The following BRINP1 variants were observed in gnomAD, a reference collection of about 807,000 sequenced individuals.
BRINP1 encodes BMP/retinoic acid inducible neural specific 1, also known as BMP/retinoic acid-inducible neural-specific protein 1.
A neutral mutation model predicts 72.9 loss-of-function variants in BRINP1; 17 were observed. That is an observed-to-expected ratio of 0.23 (90% confidence interval 0.16 to 0.35). BRINP1 has a LOEUF of 0.35. BRINP1 is among the 10% of genes least tolerant of loss of function. The pLI, the probability that BRINP1 is intolerant of heterozygous loss-of-function variation, is 1.00. For synonymous variants in BRINP1, 418 were observed against 378.5 expected (o/e 1.10, Z -1.21); for missense variants, 850 against 1,001.6 (o/e 0.85, Z 2.04).
chr9:119,172,084 A>G (rs1219732263), intron 7 of BRINP1, among the ~76,000 whole-genome samples: 1 of 147,188 alleles, frequency 6.8e-6, no homozygotes, highest in Non-Finnish European at 1.5e-5. Flanking sequence ...TAGAAAAGCA[A>G]GAGCAAACAC....
At chr9:119,257,248 A>G (rs77561689) in intron 2 of BRINP1, among the ~76,000 whole-genome samples, 4,094 of 152,290 alleles carry the variant, frequency 0.027, 186 homozygotes, top group African/African-American at 0.093. Context: ...TCATAAAGAG[A>G]TCAATAGAGT....
intron 2 of BRINP1, among the ~76,000 whole-genome samples, chr9:119,312,159 A>G (rs2118993919): frequency 6.6e-6 from 1 of 152,332 alleles, no homozygotes; most frequent in African/African-American, 2.4e-5. Flanking sequence ...TCTAACATGG[A>G]CCAGAGTTCC....
chr9:119,341,535 G>A (rs756882867), intron 1 of BRINP1, among the ~76,000 whole-genome samples: 9 of 152,082 alleles, frequency 5.9e-5, no homozygotes, highest in Admixed American at 1.3e-4. Context: ...GCAGTGAGCC[G>A]CAGCTCCCAA....
intron 2 of BRINP1, among the ~76,000 whole-genome samples, chr9:119,306,043 C>T (rs770270077): frequency 1.3e-5 from 2 of 152,184 alleles, no homozygotes; most frequent in Non-Finnish European, 2.9e-5. Flanking sequence ...TCATAACAAT[C>T]GCTATCTTTA....
At chr9:119,221,400 A>AG (rs1224801753) in intron 5 of BRINP1, among the ~76,000 whole-genome samples, 4 of 152,178 alleles carry the variant, frequency 2.6e-5, no homozygotes, top group African/African-American at 4.8e-5. Flanking sequence ...TAATGAAGGC[A>AG]TGCAGGTCAA....
intron 1 of BRINP1, among the ~76,000 whole-genome samples, chr9:119,355,592 G>A (rs1381668065): frequency 3.3e-5 from 5 of 152,162 alleles, no homozygotes; most frequent in South Asian, 4.2e-4. Context: ...AGCCGGGCGT[G>A]GTGGTGGGTG....
In BRINP1 at chr9:119,219,689, GAGAGAGAA is replaced by G. The variant is rs1226980745; in HGVS notation, c.686-5542_686-5535del. ...AGAGAGAGAGAGAGAGAGAGAGAGA[GAGAGAGAA>G]AGAGATGTAAACTAGTTGCTTGGAT... is the stretch of plus-strand genomic sequence containing the variant. On this transcript the variant is annotated intron_variant, in intron 5 of 7. Coordinates refer to ENST00000265922, the MANE Select transcript of BRINP1 (RefSeq NM_014618.3). Among the ~76,000 whole-genome samples, 31 of 128,522 alleles carry G rather than the reference GAGAGAGAA, an allele frequency of 2.4e-4. No homozygotes were observed. In the South Asian group the frequency reaches 4.2e-3, roughly 17 times the overall value. The allele number at this position is 128,522 out of a possible 152,430, so 84.3% of individuals were successfully genotyped here. A position where few individuals can be genotyped will look rare whatever the true frequency, so the allele number is the denominator to read the frequency against.
intron 2 of BRINP1, among the ~76,000 whole-genome samples, chr9:119,300,211 C>G (rs1054203690): frequency 6.6e-6 from 1 of 152,104 alleles, no homozygotes; most frequent in Non-Finnish European, 1.5e-5. Context: ...CTTTCCCTTC[C>G]TGCTACTTCA....
chr9:119,249,839 G>GAAGGAAGGAAGGAAGA lies in BRINP1; in HGVS notation c.219-690_219-689insTCTTCCTTCCTTCCTT, dbSNP rs1554751039. Among the ~76,000 whole-genome samples the GAAGGAAGGAAGGAAGA allele has an allele frequency of 1.4e-3, 93 of 66,896 alleles. 1 individual carries two copies. Among genetic ancestry groups the GAAGGAAGGAAGGAAGA allele is most frequent in the African/African-American group, 6.0e-3 (89 of 14,954 alleles). 43.9% of individuals were successfully genotyped at this position (66,896 alleles called of 152,430 possible). ...GGAAGGAAGGAAGGAAGGAAGGAAG[G>GAAGGAAGGAAGGAAGA]AAGGAAGGAAGGAAGGGAGGGAGGG... On this transcript the variant is annotated intron_variant, in intron 2 of 7. Coordinates refer to ENST00000265922, the MANE Select transcript of BRINP1 (RefSeq NM_014618.3).
chr9:119,241,978 C>T, intron 4 of BRINP1, 69 bp downstream of exon 4: 1 of 1,513,242 alleles, frequency 6.6e-7, no homozygotes, highest in Non-Finnish European at 9.0e-7. Context: ...TCCATCCACT[C>T]TCAGAATGCC....
intron 2 of BRINP1, among the ~76,000 whole-genome samples, chr9:119,285,173 C>T (rs1044733716): frequency 2.7e-5 from 4 of 146,448 alleles, no homozygotes; most frequent in Non-Finnish European, 5.9e-5. Context: ...GCCACTCCTT[C>T]GCATACTAAT....
chr9:119,240,621 T>C (rs1588174292), intron 4 of BRINP1, among the ~76,000 whole-genome samples: 1 of 152,214 alleles, frequency 6.6e-6, no homozygotes, highest in East Asian at 1.9e-4. Context: ...GATCCATCTC[T>C]CTGTGCTGAG....
At chr9:119,181,690 A>C (rs189624959) in intron 7 of BRINP1, among the ~76,000 whole-genome samples, 18 of 152,312 alleles carry the variant, frequency 1.2e-4, no homozygotes, top group Admixed American at 7.8e-4. Flanking sequence ...ATCATAGCCT[A>C]ATATCTTCAA....
intron 5 of BRINP1, among the ~76,000 whole-genome samples, chr9:119,221,957 C>T (rs977007532): frequency 2.0e-5 from 3 of 152,046 alleles, no homozygotes; most frequent in African/African-American, 7.2e-5. Flanking sequence ...TATCATTGAC[C>T]CACATTCAGT....
chr9:119,181,120 C>A (rs910475478), intron 7 of BRINP1, among the ~76,000 whole-genome samples: 24 of 152,132 alleles, frequency 1.6e-4, no homozygotes, highest in African/African-American at 5.1e-4. Flanking sequence ...AAGGAAGGCG[C>A]CCGGAGCTTC....
At chr9:119,207,178 G>A (rs998023053) in intron 7 of BRINP1, among the ~76,000 whole-genome samples, 2 of 152,272 alleles carry the variant, frequency 1.3e-5, no homozygotes, top group Admixed American at 6.5e-5. Context: ...ACTTCATGGA[G>A]GGAATAGCAG....
intron 1 of BRINP1, among the ~76,000 whole-genome samples, chr9:119,356,497 G>A (rs993707893): frequency 1.3e-5 from 2 of 152,136 alleles, no homozygotes; most frequent in Non-Finnish European, 2.9e-5. Flanking sequence ...CAAAGGATGA[G>A]TGCTCAATAA....
intron 2 of BRINP1, among the ~76,000 whole-genome samples, chr9:119,292,642 A>G (rs1470158704): frequency 6.6e-6 from 1 of 152,224 alleles, no homozygotes; most frequent in African/African-American, 2.4e-5. Context: ...TGAAAGTCCA[A>G]CTTCTAGTAT....
intron 7 of BRINP1, among the ~76,000 whole-genome samples, chr9:119,184,426 A>G (rs1446947434): frequency 6.6e-6 from 1 of 152,168 alleles, no homozygotes; most frequent in Non-Finnish European, 1.5e-5. Flanking sequence ...CCACATAGTT[A>G]GAAGGACACT....
Sources: gnomAD v4.1 joint callset for allele counts (sites outside exome capture counted in the v4.1 genomes callset) on GRCh38, gnomAD v4.1.1 for gene constraint, MANE v1.5 for transcripts, NCBI Gene and HGNC (gene_info 2026-07-23, HGNC 2026-07-21) for gene names.